MACROD2: variants seen among roughly 807,000 people sequenced by gnomAD.
MACROD2 encodes the protein ADP-ribose glycohydrolase MACROD2.
In MACROD2, 36 loss-of-function variants were observed where a neutral mutation model predicts 70.4. The observed-to-expected ratio is 0.51, with a 90% CI of 0.39 to 0.68. MACROD2 has a LOEUF of 0.68. Among genes scored for constraint, MACROD2 ranks in the 30% least tolerant of loss-of-function variants. The pLI is 0.00. For synonymous variants in MACROD2, 172 were observed against 178.8 expected (o/e 0.96, Z 0.30); for missense variants, 496 against 538.4 (o/e 0.92, Z 0.78).
chr20:15,605,627 A>T (rs1288748842), intron 8 of MACROD2, among the ~76,000 whole-genome samples: 3 of 152,206 alleles, frequency 2.0e-5, no homozygotes, highest in African/African-American at 7.2e-5. Flanking sequence ...CTGTAATCAC[A>T]TGAGGTCACA....
At chr20:15,722,314 T>TTC (rs2050797978) in intron 8 of MACROD2, among the ~76,000 whole-genome samples, 1 of 152,152 alleles carries the variant, frequency 6.6e-6, no homozygotes, top group Non-Finnish European at 1.5e-5. Flanking sequence ...GCCCAGCTGT[T>TTC]TCCCAAGGAG....
chr20:15,648,073 A>G (rs542475212), intron 8 of MACROD2, among the ~76,000 whole-genome samples: 10 of 152,162 alleles, frequency 6.6e-5, no homozygotes, highest in African/African-American at 9.7e-5. Context: ...GCATGTGTCT[A>G]TAGATTGTTC....
chr20:15,289,907 CAA>C (rs1196255084), intron 6 of MACROD2, among the ~76,000 whole-genome samples: 1 of 152,098 alleles, frequency 6.6e-6, no homozygotes. Context: ...AGCAATTTCA[CAA>C]AGAGTAACAC....
chr20:14,725,460 C>T (rs1167367271), intron 5 of MACROD2, among the ~76,000 whole-genome samples: 1 of 152,086 alleles, frequency 6.6e-6, no homozygotes, highest in East Asian at 1.9e-4. Context: ...ACAGAGAAGG[C>T]ATGCAAACTG....
intron 8 of MACROD2, among the ~76,000 whole-genome samples, chr20:15,544,212 T>G (rs1483155310): frequency 6.6e-6 from 1 of 152,224 alleles, no homozygotes; most frequent in Non-Finnish European, 1.5e-5. Context: ...ATTCTTTGCC[T>G]GGAGTCGTAT....
chr20:15,855,994 G>A (rs2064352600), intron 8 of MACROD2, among the ~76,000 whole-genome samples: 1 of 152,132 alleles, frequency 6.6e-6, no homozygotes, highest in African/African-American at 2.4e-5. Flanking sequence ...ACATTCTAGT[G>A]TGTGTCTTTT....
Position 15,711,697 on chromosome 20 carries a change from A to G in MACROD2, c.646-151048A>G, listed in dbSNP as rs117287514. 5.3e-3 allele frequency among the ~76,000 whole-genome samples: 812 copies of G among 152,332 alleles called. 10 individuals carry two copies. Among genetic ancestry groups the G allele is most frequent in the South Asian group, 9.9e-3 (48 of 4,826 alleles). ...AAACAGGTCGATGCTAGTATGTACTACATTCCTACCAGCATACACTTTCAA... is the reference window on the plus strand; with the variant it reads ...AAACAGGTCGATGCTAGTATGTACTGCATTCCTACCAGCATACACTTTCAA... On this transcript the variant is annotated intron_variant, in intron 8 of 17. Coordinates refer to ENST00000684519, the MANE Select transcript of MACROD2 (RefSeq NM_001351661.2).
chr20:14,606,596 T>A (rs1982820052), intron 4 of MACROD2, among the ~76,000 whole-genome samples: 1 of 152,190 alleles, frequency 6.6e-6, no homozygotes, highest in South Asian at 2.1e-4. Flanking sequence ...AAATTATTAT[T>A]GTTTTATGTC....
intron 3 of MACROD2, among the ~76,000 whole-genome samples, chr20:14,223,506 CTTTTT>C (rs11307206): frequency 6.4e-5 from 6 of 93,106 alleles, no homozygotes; most frequent in Non-Finnish European, 2.3e-5. Flanking sequence ...CCTCTAAATT[CTTTTT>C]TTTTTTTTTT....
intron 3 of MACROD2, among the ~76,000 whole-genome samples, chr20:14,269,929 G>C (rs1218491448): frequency 6.6e-6 from 1 of 151,712 alleles, no homozygotes; most frequent in African/African-American, 2.4e-5. Flanking sequence ...AAAAATTCTT[G>C]TTATTGGTTA....
At chr20:14,926,834 C>G (rs2122658483) in intron 5 of MACROD2, among the ~76,000 whole-genome samples, 1 of 152,144 alleles carries the variant, frequency 6.6e-6, no homozygotes, top group Middle Eastern at 3.4e-3. Flanking sequence ...GGTGTGGGAG[C>G]CAAAGGCAAT....
intron 3 of MACROD2, among the ~76,000 whole-genome samples, chr20:14,355,823 T>G (rs1354721850): frequency 6.6e-6 from 1 of 152,246 alleles, no homozygotes; most frequent in Non-Finnish European, 1.5e-5. Context: ...CTGGTAGAGA[T>G]TGGCTATTTT....
chr20:15,603,032 G>T lies in MACROD2; in HGVS notation c.645+103185G>T, dbSNP rs142451748. On this transcript the variant is annotated intron_variant, in intron 8 of 17. Transcript: ENST00000684519. ...GGGTGTGAGTGAGGGCATGTGAGGG[G>T]GAGGCTTTATTTATATTGTGTCTTT... is the stretch of plus-strand genomic sequence containing the variant. Among the ~76,000 whole-genome samples, 555 of 151,966 alleles carry T rather than the reference G, an allele frequency of 3.7e-3. 7 individuals are homozygous for T. The highest frequency in any genetic ancestry group is 0.013 in the African/African-American group (527 of 41,432).
intron 8 of MACROD2, among the ~76,000 whole-genome samples, chr20:15,582,295 G>T (rs1484728793): frequency 1.3e-5 from 2 of 151,948 alleles, no homozygotes; most frequent in African/African-American, 4.8e-5. Context: ...AGTGCAGAAG[G>T]GTGAATATAC....
At chr20:14,640,136 G>A (rs1434412523) in intron 4 of MACROD2, among the ~76,000 whole-genome samples, 2 of 152,116 alleles carry the variant, frequency 1.3e-5, no homozygotes, top group Non-Finnish European at 2.9e-5. Context: ...TACTGATCAC[G>A]ATTTTGAAAA....
At chr20:14,907,037 G>A (rs527950278) in intron 5 of MACROD2, among the ~76,000 whole-genome samples, 3 of 152,200 alleles carry the variant, frequency 2.0e-5, no homozygotes, top group Admixed American at 6.5e-5. Flanking sequence ...ACCAAATTGC[G>A]GACTAGCTAA....
At chr20:15,729,185 G>A (rs568747821) in intron 8 of MACROD2, among the ~76,000 whole-genome samples, 11 of 151,990 alleles carry the variant, frequency 7.2e-5, no homozygotes, top group Non-Finnish European at 1.5e-4. Flanking sequence ...TTTCCATGTT[G>A]TTGTGTGATT....
chr20:15,007,763 G>A (rs1242784850), intron 5 of MACROD2, among the ~76,000 whole-genome samples: 1 of 152,162 alleles, frequency 6.6e-6, no homozygotes, highest in Non-Finnish European at 1.5e-5. Flanking sequence ...GAAAATCAGG[G>A]GGCGTCTACC....
chr20:15,480,357 A>G (rs1392949834), intron 7 of MACROD2, among the ~76,000 whole-genome samples: 1 of 152,108 alleles, frequency 6.6e-6, no homozygotes, highest in African/African-American at 2.4e-5. Context: ...GTCACTTTTA[A>G]CCAATTCTGG....
Sources: gnomAD v4.1 joint callset for allele counts (sites outside exome capture counted in the v4.1 genomes callset) on GRCh38, gnomAD v4.1.1 for gene constraint, MANE v1.5 for transcripts, NCBI Gene and HGNC (gene_info 2026-07-23, HGNC 2026-07-21) for gene names.